The following TTLL5 variants were observed in gnomAD, a reference collection of about 807,000 sequenced individuals.
TTLL5 encodes the protein tubulin tyrosine ligase like 5, also known as tubulin polyglutamylase TTLL5.
A neutral mutation model predicts 168.4 loss-of-function variants in TTLL5; 132 were observed. The observed-to-expected ratio is 0.78, with a 90% CI of 0.68 to 0.91. TTLL5 has a LOEUF of 0.91. Ranked by LOEUF, TTLL5 falls within the 40% of genes least tolerant of loss-of-function variation. TTLL5 has a pLI of 0.00. For synonymous variants in TTLL5, 546 were observed against 558.6 expected (o/e 0.98, Z 0.32); for missense variants, 1,545 against 1,581.5 (o/e 0.98, Z 0.39).
At chr14:75,837,508 C>G (rs766972584) in intron 28 of TTLL5, 17 of 152,276 alleles carry the variant, frequency 1.1e-4, no homozygotes, top group Non-Finnish European at 2.1e-4. Flanking sequence ...TAAGTACATT[C>G]ACATTGTGCA....
At chr14:75,804,422 G>C (rs191196480) in intron 27 of TTLL5, among the ~76,000 whole-genome samples, 2 of 152,354 alleles carry the variant, frequency 1.3e-5, no homozygotes, top group East Asian at 1.9e-4. Flanking sequence ...CAAATGAAGA[G>C]AGACGGAGCT....
At position 75,925,222 on chromosome 14, in the gene TTLL5, G is replaced by A. The variant is rs576673225; in HGVS notation, c.3823+22998G>A. On this transcript the variant is annotated intron_variant, in intron 31 of 31. Coordinates refer to ENST00000298832, the MANE Select transcript of TTLL5 (RefSeq NM_015072.5). ...ACCTCCCTCCCGGACGGGGCGGCTG[G>A]CCTGGCGGGGGCTGACCCCCACCTC... Among the ~76,000 whole-genome samples, 213 of 150,052 alleles carry A rather than the reference G, an allele frequency of 1.4e-3. 4 individuals carry two copies. Among genetic ancestry groups the A allele is most frequent in the African/African-American group, 5.0e-3 (203 of 40,474 alleles).
chr14:75,706,334 A>G (rs1886658156), intron 7 of TTLL5, among the ~76,000 whole-genome samples: 1 of 152,208 alleles, frequency 6.6e-6, no homozygotes, highest in African/African-American at 2.4e-5. Context: ...GGATTTACTG[A>G]ATCTTAAATC....
chr14:75,808,715 C>T (rs190023223), intron 27 of TTLL5, among the ~76,000 whole-genome samples: 265 of 152,272 alleles, frequency 1.7e-3, no homozygotes, highest in African/African-American at 6.2e-3. Context: ...TGTTCCAGAT[C>T]ATTCAGAGCC....
At chr14:75,763,750 C>T (rs1045192802) in intron 18 of TTLL5, among the ~76,000 whole-genome samples, 1 of 152,282 alleles carries the variant, frequency 6.6e-6, no homozygotes, top group East Asian at 1.9e-4. Flanking sequence ...TAGACTGGGC[C>T]TCATATCAGT....
In TTLL5 at chr14:75,766,169, G is replaced by A. The variant is rs762434843; in HGVS notation, c.1816G>A (p.Glu606Lys). 2.5e-6 allele frequency: 4 copies of A among 1,613,930 alleles called. No individual in the cohort carries two copies. The highest frequency in any genetic ancestry group is 2.7e-5 in the African/African-American group (2 of 74,924). Residue 606 changes from glutamate (E) to lysine (K), a missense_variant, in exon 20 of 32, where the codon GAG becomes AAG. By Grantham distance (56) the Glu-to-Lys change is moderately conservative (BLOSUM62 1). Transcript: ENST00000298832. Reference protein sequence around the residue: ...EDEEQEASQEESAGFLRENQA... With the variant: ...EDEEQEASQEKSAGFLRENQA... ...TGAAGAACAGGAGGCTTCCCAGGAG[G>A]AGTCTGCAGGATTTCTTAGAGAAAA...
At chr14:75,795,043 G>T (rs184192318) in intron 27 of TTLL5, among the ~76,000 whole-genome samples, 9 of 151,496 alleles carry the variant, frequency 5.9e-5, no homozygotes, top group Admixed American at 5.9e-4. Flanking sequence ...TAATTCCATT[G>T]TTCTGACACT....
intron 31 of TTLL5, among the ~76,000 whole-genome samples, chr14:75,918,563 T>A (rs2033702758): frequency 6.6e-6 from 1 of 152,122 alleles, no homozygotes; most frequent in African/African-American, 2.4e-5. Context: ...CCCTCATGTT[T>A]CTGGAAGTGT....
chr14:75,770,581 C>G lies in TTLL5; in HGVS notation c.2016-1153C>G, dbSNP rs918006899. 2.6e-5 allele frequency among the ~76,000 whole-genome samples: 4 copies of G among 152,224 alleles called. No individual in the cohort carries two copies. In the South Asian group the frequency reaches 8.3e-4, roughly 31 times the overall value. On this transcript the variant is annotated intron_variant, in intron 20 of 31. Transcript: ENST00000298832. Reference sequence around the variant, plus strand: ...GCCGATCAGCTGAAGTAACCAAAATCTGGCCTGAAAGAAAACAGATCTGCC... The same window carrying G: ...GCCGATCAGCTGAAGTAACCAAAATGTGGCCTGAAAGAAAACAGATCTGCC...
intron 31 of TTLL5, among the ~76,000 whole-genome samples, chr14:75,903,496 T>A (rs1196655788): frequency 2.0e-5 from 3 of 151,966 alleles, no homozygotes; most frequent in African/African-American, 7.3e-5. Context: ...TGTAGGGAAC[T>A]TGGTCATTGC....
At position 75,705,790 on chromosome 14, in the gene TTLL5, T is replaced by A. The variant is rs1440245163; in HGVS notation, c.586-1228T>A. On this transcript the variant is annotated intron_variant, in intron 7 of 31. Transcript: ENST00000298832. ...CTAATTATTATCACTACCACTTCCC[T>A]TTTGGAGCCCTTTTGTCCTACATGG... Among the ~76,000 whole-genome samples, 3 of 152,224 alleles carry A rather than the reference T, an allele frequency of 2.0e-5. No homozygotes were observed. The East Asian group carries it at 5.8e-4, about 29-fold the overall frequency.
intron 26 of TTLL5, among the ~76,000 whole-genome samples, chr14:75,787,133 A>G (rs1250048938): frequency 6.6e-6 from 1 of 152,194 alleles, no homozygotes; most frequent in Non-Finnish European, 1.5e-5. Flanking sequence ...CTCCATCTCA[A>G]ACAACAAAAC....
intron 31 of TTLL5, among the ~76,000 whole-genome samples, chr14:75,936,045 T>G (rs2034424958): frequency 6.6e-6 from 1 of 152,226 alleles, no homozygotes; most frequent in Non-Finnish European, 1.5e-5. Flanking sequence ...AGTTTTCTGG[T>G]TCTCTCTCCT....
At chr14:75,944,946 T>C (rs977639820) in intron 31 of TTLL5, among the ~76,000 whole-genome samples, 1 of 152,052 alleles carries the variant, frequency 6.6e-6, no homozygotes, top group South Asian at 2.1e-4. Context: ...TGAGCATGCG[T>C]ACAACTCCAG....
At chr14:75,901,886 G>A (rs991112333) in intron 30 of TTLL5, among the ~76,000 whole-genome samples, 2 of 152,112 alleles carry the variant, frequency 1.3e-5, no homozygotes, top group Non-Finnish European at 2.9e-5. Context: ...AATGATGAAG[G>A]CCCATGCTTT....
Position 75,829,559 on chromosome 14 carries a change from C to CT in TTLL5, c.3326+9413dup, listed in dbSNP as rs202156409. Among the ~76,000 whole-genome samples, 836 of 138,960 alleles carry CT rather than the reference C, an allele frequency of 6.0e-3. 6 individuals are homozygous for CT. Among genetic ancestry groups the CT allele is most frequent in the Middle Eastern group, 0.012 (3 of 254 alleles). 91.2% of individuals were successfully genotyped at this position (138,960 alleles called of 152,430 possible). On this transcript the variant is annotated intron_variant, in intron 28 of 31. Transcript: ENST00000298832. ...TGAGTAATACTGTCCTATACATTTA[C>CT]TTTTTTTTTTTTTTTCATGTAACAC...
intron 31 of TTLL5, among the ~76,000 whole-genome samples, chr14:75,914,033 A>AAAAAAAAAAAAATATATATAT: frequency 3.0e-4 from 21 of 71,078 alleles, no homozygotes; most frequent in African/African-American, 2.3e-3. Flanking sequence ...AAAAAAAAAA[A>AAAAAAAAAAAAATATATATAT]ATATATATAT....
chr14:75,766,039 CATTAGTG>C lies in TTLL5; in HGVS notation c.1709-19_1709-13del, dbSNP rs755308754. On this transcript the variant is annotated splice_polypyrimidine_tract_variant and intron_variant, in intron 19 of 31. Transcript: ENST00000298832. ...GAACATTTAATCCTTTTTTCAGCAA[CATTAGTG>C]ATTCTTCGTATTTAGTGATTACCCA... is the stretch of plus-strand genomic sequence containing the variant. The C allele has an allele frequency of 8.8e-6, 14 of 1,585,488 alleles. No homozygotes were observed. The highest frequency in any genetic ancestry group is 1.4e-5 in the African/African-American group (1 of 73,400).
intron 31 of TTLL5, among the ~76,000 whole-genome samples, chr14:75,938,968 A>T (rs374810371): frequency 6.6e-5 from 10 of 152,174 alleles, no homozygotes; most frequent in African/African-American, 2.2e-4. Flanking sequence ...GGGTCATCCA[A>T]TCAGTTTAAC....
Sources: allele counts gnomAD v4.1 joint callset (sites outside exome capture counted in the v4.1 genomes callset), GRCh38; gene constraint gnomAD v4.1.1; transcripts MANE v1.5; gene names NCBI Gene and HGNC (gene_info 2026-07-23, HGNC 2026-07-21).